The following NINJ2 variants were observed in gnomAD, a reference collection of about 807,000 sequenced individuals.
NINJ2 encodes the protein ninjurin 2, also known as ninjurin-2.
A neutral mutation model predicts 11.7 loss-of-function variants in NINJ2; 12 were observed. The observed-to-expected ratio is 1.02, with a 90% CI of 0.66 to 1.66. The LOEUF is 1.66. Ranked by LOEUF, NINJ2 falls within the 40% of genes most tolerant of loss-of-function variation. The probability of loss-of-function intolerance (pLI) is 0.00; values close to 1 mark genes in which losing one functional copy is unlikely to be tolerated. For missense variants in NINJ2, 187 were observed against 181.8 expected (o/e 1.03, Z -0.16); for synonymous variants, 93 against 76.8 (o/e 1.21, Z -1.10).
At chr12:629,284 C>G (rs73598109) in intron 1 of NINJ2, among the ~76,000 whole-genome samples, 19,750 of 152,164 alleles carry the variant, frequency 0.13, 1,448 homozygotes, top group Non-Finnish European at 0.17. Flanking sequence ...GAAGGATGAA[C>G]AGCTTCCCAA....
At position 580,720 on chromosome 12, in the gene NINJ2, TG is replaced by T. The variant is rs1197935131; in HGVS notation, c.34-14543del. Among the ~76,000 whole-genome samples the T allele has an allele frequency of 6.6e-6, 1 of 152,166 alleles. No individual in the cohort carries two copies. Among genetic ancestry groups the T allele is most frequent in the Admixed American group, 6.5e-5 (1 of 15,280 alleles). ...GGCACCTTCTGGGGGTGCCTGCCAA[TG>T]GCTATAGTATACAAACACCTCGACT... On this transcript the variant is annotated intron_variant, in intron 1 of 3. Transcript: ENST00000305108. The surrounding 1 kb of genome is among the most constrained non-coding windows in gnomAD (Gnocchi z 4.7).
At chr12:649,584 AG>A (rs1937757787) in intron 1 of NINJ2, among the ~76,000 whole-genome samples, 2 of 144,130 alleles carry the variant, frequency 1.4e-5, no homozygotes, top group South Asian at 4.4e-4. Context: ...ATTTGCATAT[AG>A]GCACACCTGC....
intron 1 of NINJ2, among the ~76,000 whole-genome samples, chr12:568,754 T>C (rs1223252722): frequency 6.6e-6 from 1 of 152,214 alleles, no homozygotes; most frequent in Admixed American, 6.5e-5. Flanking sequence ...ATCAGGAGTG[T>C]GCACTTTGGC....
chr12:584,394 G>T (rs1168232143), intron 1 of NINJ2, among the ~76,000 whole-genome samples: 2 of 152,180 alleles, frequency 1.3e-5, no homozygotes, highest in Non-Finnish European at 2.9e-5. Context: ...TTTTTGGCTG[G>T]ACACGGTGGC....
intron 1 of NINJ2, among the ~76,000 whole-genome samples, chr12:637,206 A>G (rs112795402): frequency 0.014 from 2,050 of 151,034 alleles, 52 homozygotes; most frequent in African/African-American, 0.048. Context: ...AAAATTAGCC[A>G]GGCGTGGTGG....
intron 1 of NINJ2, among the ~76,000 whole-genome samples, chr12:619,422 G>A (rs77885270): frequency 0.079 from 11,986 of 152,268 alleles, 629 homozygotes; most frequent in East Asian, 0.16. Context: ...GGAGTGGGGC[G>A]ATCTTTACAC....
chr12:635,872 C>T (rs570092740), intron 1 of NINJ2, among the ~76,000 whole-genome samples: 4 of 152,224 alleles, frequency 2.6e-5, no homozygotes, highest in East Asian at 1.9e-4. Context: ...GTCAGGAGTT[C>T]GAGACCAGCC....
chr12:617,538 A>G (rs142183865), intron 1 of NINJ2, among the ~76,000 whole-genome samples: 6 of 152,278 alleles, frequency 3.9e-5, no homozygotes, highest in African/African-American at 1.2e-4. Flanking sequence ...TTGACATTAG[A>G]GGATGCCTGT....
chr12:643,347 G>C (rs1177753005), intron 1 of NINJ2: 7 of 760,082 alleles, frequency 9.2e-6, no homozygotes, highest in Non-Finnish European at 1.1e-5. Flanking sequence ...CGGGTGGGGA[G>C]GGGAGGGTGG....
intron 1 of NINJ2, among the ~76,000 whole-genome samples, chr12:587,200 G>C (rs1199593246): frequency 6.6e-6 from 1 of 152,164 alleles, no homozygotes; most frequent in African/African-American, 2.4e-5. Context: ...AAAAAGACTA[G>C]GGGACCAGGA....
intron 1 of NINJ2, chr12:643,482 G>GGA: frequency 1.0e-6 from 1 of 988,238 alleles, no homozygotes; most frequent in Non-Finnish European, 1.2e-6. Flanking sequence ...ACCCGATTCG[G>GGA]GAACACGGCT....
At chr12:635,825 A>C (rs931356453) in intron 1 of NINJ2, among the ~76,000 whole-genome samples, 3 of 152,272 alleles carry the variant, frequency 2.0e-5, no homozygotes, top group Non-Finnish European at 2.9e-5. Flanking sequence ...CTGTAATCCC[A>C]GCACTTCGGG....
At chr12:583,716 G>C (rs1484398534) in intron 1 of NINJ2, among the ~76,000 whole-genome samples, 1 of 152,198 alleles carries the variant, frequency 6.6e-6, no homozygotes, top group Non-Finnish European at 1.5e-5. Context: ...CCATGAAATG[G>C]AGGCGGTCAA....
chr12:642,034 G>C (rs1312640521), intron 1 of NINJ2, among the ~76,000 whole-genome samples: 1 of 152,204 alleles, frequency 6.6e-6, no homozygotes. Context: ...TGGAAGGCGG[G>C]AAAGGGCCCG....
chr12:625,102 C>CA (rs200290771), intron 1 of NINJ2, among the ~76,000 whole-genome samples: 26,905 of 93,228 alleles, frequency 0.29, 3,402 homozygotes, highest in South Asian at 0.42. Flanking sequence ...GACTTCATCT[C>CA]AAAAAAAAAA....
chr12:625,688 G>A (rs115167763), intron 1 of NINJ2, among the ~76,000 whole-genome samples: 1 of 152,240 alleles, frequency 6.6e-6, no homozygotes, highest in African/African-American at 2.4e-5. Context: ...TAGTTGTTAG[G>A]GGCAGAGTCT....
intron 1 of NINJ2, among the ~76,000 whole-genome samples, chr12:618,873 T>G (rs544719352): frequency 6.6e-6 from 1 of 152,272 alleles, no homozygotes; most frequent in East Asian, 1.9e-4. Context: ...TAGACTCAGA[T>G]GGTTTAGAGC....
chr12:604,346 G>GC (rs200967554), intron 1 of NINJ2, among the ~76,000 whole-genome samples: 1,921 of 152,264 alleles, frequency 0.013, 14 homozygotes, highest in Middle Eastern at 0.027. Context: ...AGCAATAGAG[G>GC]CCACAGCCTG....
intron 1 of NINJ2, among the ~76,000 whole-genome samples, chr12:621,506 GA>G (rs1346470225): frequency 2.7e-5 from 4 of 150,332 alleles, no homozygotes; most frequent in Non-Finnish European, 4.4e-5. Context: ...AAAAAGAAAA[GA>G]AAAAAAGAAA....
Sources: gnomAD v4.1 joint callset for allele counts (sites outside exome capture counted in the v4.1 genomes callset) on GRCh38, gnomAD v4.1.1 for gene constraint, Gnocchi (gnomAD v3.1) non-coding constraint, MANE v1.5 for transcripts, NCBI Gene and HGNC (gene_info 2026-07-23, HGNC 2026-07-21) for gene names.